Variants in HECW1 observed in about 807,000 individuals in gnomAD.
HECW1 encodes HECT, C2 and WW domain containing E3 ubiquitin protein ligase 1, also known as E3 ubiquitin-protein ligase HECW1.
Under a neutral mutation model 182.3 loss-of-function variants are expected in HECW1, and 61 were observed. The ratio of observed to expected loss-of-function variants is 0.33; its 90% CI spans 0.27 to 0.41. The LOEUF is 0.41. HECW1 is among the 10% of genes least tolerant of loss of function. The pLI is 1.00. For synonymous variants in HECW1, 859 were observed against 832.6 expected (o/e 1.03, Z -0.55); for missense variants, 1,739 against 2,108.9 (o/e 0.82, Z 3.44).
At chr7:43,201,979 A>G (rs1795052772) in intron 2 of HECW1, among the ~76,000 whole-genome samples, 2 of 152,224 alleles carry the variant, frequency 1.3e-5, no homozygotes, top group African/African-American at 4.8e-5. Context: ...AGAGAAATTC[A>G]TAATAAGGAG....
At chr7:43,558,322 T>C in intron 29 of HECW1, among the ~76,000 whole-genome samples, 1 of 152,012 alleles carries the variant, frequency 6.6e-6, no homozygotes. Context: ...AAGCTATGAG[T>C]CATGAGCAAT....
intron 21 of HECW1, among the ~76,000 whole-genome samples, chr7:43,506,795 G>C (rs2079592482): frequency 6.6e-6 from 1 of 151,948 alleles, no homozygotes; most frequent in East Asian, 1.9e-4. Context: ...ATCTGGGTGT[G>C]GTAGTGCATG....
intron 5 of HECW1, among the ~76,000 whole-genome samples, chr7:43,321,057 G>T (rs1019750223): frequency 6.6e-6 from 1 of 152,134 alleles, no homozygotes; most frequent in Non-Finnish European, 1.5e-5. Flanking sequence ...CTCCTCCGGG[G>T]GCATCTCCAA....
intron 2 of HECW1, among the ~76,000 whole-genome samples, chr7:43,169,589 A>G (rs561472462): frequency 1.3e-5 from 2 of 152,212 alleles, no homozygotes; most frequent in South Asian, 2.1e-4. Flanking sequence ...TAATCATCAT[A>G]TGCTAGTACT....
intron 2 of HECW1, among the ~76,000 whole-genome samples, chr7:43,176,956 T>G (rs995653747): frequency 1.3e-5 from 2 of 152,214 alleles, no homozygotes; most frequent in African/African-American, 4.8e-5. Context: ...CTGAGATCCC[T>G]TAGATTACTA....
chr7:43,491,315 G>C (rs1312690788), intron 17 of HECW1, among the ~76,000 whole-genome samples: 1 of 152,150 alleles, frequency 6.6e-6, no homozygotes, highest in Admixed American at 6.5e-5. Context: ...GGTTAATAAT[G>C]CTTATCTTGC....
chr7:43,453,581 T>C (rs1335040609), intron 12 of HECW1, among the ~76,000 whole-genome samples: 1 of 152,210 alleles, frequency 6.6e-6, no homozygotes, highest in Non-Finnish European at 1.5e-5. Context: ...GACTATGCAA[T>C]AGTATTACAT....
intron 2 of HECW1, among the ~76,000 whole-genome samples, chr7:43,185,492 T>G (rs1793314284): frequency 6.6e-6 from 1 of 152,182 alleles, no homozygotes; most frequent in African/African-American, 2.4e-5. Context: ...CGTCAACCTG[T>G]GAGATCTGAT....
intron 5 of HECW1, among the ~76,000 whole-genome samples, chr7:43,356,592 T>C (rs1815168644): frequency 6.6e-6 from 1 of 152,138 alleles, no homozygotes; most frequent in African/African-American, 2.4e-5. Context: ...AGAATACACA[T>C]TTTTTCTATC....
intron 6 of HECW1, among the ~76,000 whole-genome samples, chr7:43,364,436 C>T (rs1329047321): frequency 6.6e-6 from 1 of 152,240 alleles, no homozygotes; most frequent in Admixed American, 6.5e-5. Context: ...TCACTGAGAA[C>T]TCACGGTTAC....
chr7:43,550,420 C>G, intron 26 of HECW1, 25 bp from the exon 27 acceptor site: 1 of 1,613,240 alleles, frequency 6.2e-7, no homozygotes. Flanking sequence ...TGACAAGCAT[C>G]GCAATATTTC....
intron 25 of HECW1, 77 bp from the exon 26 acceptor site, chr7:43,541,792 T>C (rs758743718): frequency 5.5e-6 from 7 of 1,284,318 alleles, no homozygotes; most frequent in Middle Eastern, 2.6e-4. Flanking sequence ...TAGCCAGGAA[T>C]GATATAACCA....
intron 2 of HECW1, among the ~76,000 whole-genome samples, chr7:43,120,804 C>G (rs917063646): frequency 2.0e-5 from 3 of 152,032 alleles, no homozygotes; most frequent in African/African-American, 7.2e-5. Flanking sequence ...CCACCACACC[C>G]GGCTGATTTT....
At chr7:43,179,042 G>C (rs142206670) in intron 2 of HECW1, among the ~76,000 whole-genome samples, 115 of 152,252 alleles carry the variant, frequency 7.6e-4, no homozygotes, top group African/African-American at 2.6e-3. Context: ...GAAGTGCCAG[G>C]CCCTTCACAA....
chr7:43,141,884 C>T (rs999211121), intron 2 of HECW1, among the ~76,000 whole-genome samples: 1 of 152,190 alleles, frequency 6.6e-6, no homozygotes, highest in African/African-American at 2.4e-5. Flanking sequence ...GGTGTACTGG[C>T]GACTTGGAGT....
intron 3 of HECW1, among the ~76,000 whole-genome samples, chr7:43,268,416 A>G (rs970046001): frequency 6.6e-6 from 1 of 152,228 alleles, no homozygotes; most frequent in Admixed American, 6.5e-5. Flanking sequence ...TTTAACCCAG[A>G]GGCTCTCACC....
intron 11 of HECW1, among the ~76,000 whole-genome samples, chr7:43,449,277 C>G (rs529106363): frequency 6.6e-6 from 1 of 152,216 alleles, no homozygotes; most frequent in Non-Finnish European, 1.5e-5. Flanking sequence ...ATCTTTGGAA[C>G]AGCAGTCTGT....
intron 3 of HECW1, among the ~76,000 whole-genome samples, chr7:43,308,365 A>ATTT (rs1808059032): frequency 3.5e-5 from 4 of 114,364 alleles, no homozygotes; most frequent in East Asian, 2.8e-4. Flanking sequence ...TATATAATAT[A>ATTT]ACATATAATA....
intron 2 of HECW1, among the ~76,000 whole-genome samples, chr7:43,224,779 C>A (rs761072995): frequency 2.0e-5 from 3 of 152,142 alleles, no homozygotes; most frequent in Non-Finnish European, 4.4e-5. Context: ...TGCACCACTG[C>A]CTGGATGATA....
Sources: allele counts gnomAD v4.1 joint callset (sites outside exome capture counted in the v4.1 genomes callset), GRCh38; gene constraint gnomAD v4.1.1; transcripts MANE v1.5; gene names NCBI Gene and HGNC (gene_info 2026-07-23, HGNC 2026-07-21).